The following CLEC16A variants were observed in gnomAD, a reference collection of about 807,000 sequenced individuals.
CLEC16A encodes C-type lectin domain containing 16A, also known as protein CLEC16A.
A neutral mutation model predicts 109.5 loss-of-function variants in CLEC16A; 51 were observed. The ratio of observed to expected loss-of-function variants is 0.47; its 90% CI spans 0.37 to 0.59. The LOEUF (loss-of-function observed/expected upper bound fraction) is 0.59, where lower values mean the gene tolerates loss of function less well. Ranked by LOEUF, CLEC16A falls within the 20% of genes least tolerant of loss-of-function variation. The pLI, the probability that CLEC16A is intolerant of heterozygous loss-of-function variation, is 0.00. For synonymous variants in CLEC16A, 673 were observed against 564.2 expected (o/e 1.19, Z -2.73); for missense variants, 1,339 against 1,394.0 (o/e 0.96, Z 0.63).
At chr16:11,018,151 TA>T (rs2045873947) in intron 11 of CLEC16A, among the ~76,000 whole-genome samples, 1 of 151,332 alleles carries the variant, frequency 6.6e-6, no homozygotes, top group East Asian at 2.0e-4. Flanking sequence ...CTACAAATAC[TA>T]AAAAATTAGC....
chr16:11,008,705 A>G (rs748809918), intron 11 of CLEC16A, among the ~76,000 whole-genome samples: 1 of 151,744 alleles, frequency 6.6e-6, no homozygotes, highest in African/African-American at 2.4e-5. Flanking sequence ...TGTTAAGTAC[A>G]TTCGGCTGGG....
chr16:11,099,258 G>A (rs1045592255), intron 19 of CLEC16A, among the ~76,000 whole-genome samples: 14 of 152,162 alleles, frequency 9.2e-5, no homozygotes, highest in Non-Finnish European at 1.6e-4. Context: ...TGTTTCCCAC[G>A]GTCCCACACA....
rs564505317 is a variant in CLEC16A at position 11,085,423 on chromosome 16, G to A, written c.2116+24401G>A. On this transcript the variant is annotated intron_variant, in intron 19 of 23. Coordinates refer to ENST00000409790, the MANE Select transcript of CLEC16A (RefSeq NM_015226.3). ...AGCACGCTGGCAAGCAGGCAGACTCGGCCAAGACCCAGCTTTGTCACGTGC... is the reference window on the plus strand; with the variant it reads ...AGCACGCTGGCAAGCAGGCAGACTCAGCCAAGACCCAGCTTTGTCACGTGC... Among the ~76,000 whole-genome samples, 8 of 152,366 alleles carry A rather than the reference G, an allele frequency of 5.3e-5. No individual in the cohort carries two copies. The East Asian group carries it at 5.8e-4, about 11-fold the overall frequency.
intron 4 of CLEC16A, 112 bp from the exon 5 acceptor site, chr16:10,971,008 ATTTTT>A: frequency 3.0e-5 from 15 of 506,508 alleles, no homozygotes; most frequent in Middle Eastern, 3.7e-4. Context: ...CATTGGCAAC[ATTTTT>A]TTTTTTTTTT....
intron 19 of CLEC16A, among the ~76,000 whole-genome samples, chr16:11,066,088 TTGCTGCCTTC>T (rs1308947192): frequency 6.6e-6 from 1 of 152,074 alleles, no homozygotes; most frequent in South Asian, 2.1e-4. Context: ...AGTCCCAGCT[TTGCTGCCTTC>T]TGCTTGCCAG....
chr16:10,981,775 A>G (rs545157620), intron 9 of CLEC16A, among the ~76,000 whole-genome samples: 1 of 152,238 alleles, frequency 6.6e-6, no homozygotes, highest in Non-Finnish European at 1.5e-5. Flanking sequence ...AATTAGGGTT[A>G]CAGGGTTCTC....
Position 10,982,956 on chromosome 16 carries a change from T to C in CLEC16A, c.1036T>C (p.Tyr346His), listed in dbSNP as rs74163609. ...VILNGDLSEM[Y>H]AKTEQDIQRS... is the part of the protein sequence containing the mutation. Reference sequence around the variant, plus strand: ...TCTGAATGGTGATCTGTCTGAGATGTACGCTAAGACTGAACAGGATATTCA... The same window carrying C: ...TCTGAATGGTGATCTGTCTGAGATGCACGCTAAGACTGAACAGGATATTCA... Residue 346 changes from tyrosine (Y) to histidine (H), a missense_variant, in exon 10 of 24, where the codon TAC becomes CAC. Tyr to His is a moderately conservative substitution (Grantham distance 83). This residue lies in a region of CLEC16A where 1,061 missense variants were observed against 1,006.8 expected (regional missense o/e 1.05). Coordinates refer to ENST00000409790, the MANE Select transcript of CLEC16A (RefSeq NM_015226.3). 1.6e-4 allele frequency: 255 copies of C among 1,610,506 alleles called. 1 individual carries two copies. Among genetic ancestry groups the C allele is most frequent in the Non-Finnish European group, 2.1e-4 (245 of 1,176,780 alleles).
At chr16:11,173,001 C>G (rs1489010322) in intron 23 of CLEC16A, among the ~76,000 whole-genome samples, 2 of 152,124 alleles carry the variant, frequency 1.3e-5, no homozygotes, top group African/African-American at 4.8e-5. Flanking sequence ...CGGCCCAGTG[C>G]AGGGAGCTTC....
chr16:11,112,979 T>C (rs1268796757), intron 19 of CLEC16A, among the ~76,000 whole-genome samples: 1 of 152,182 alleles, frequency 6.6e-6, no homozygotes, highest in Non-Finnish European at 1.5e-5. Flanking sequence ...ATTCTCAGTA[T>C]AGGTACTTAG....
chr16:11,160,552 C>T (rs1191192503), intron 22 of CLEC16A, among the ~76,000 whole-genome samples: 1 of 152,198 alleles, frequency 6.6e-6, no homozygotes, highest in East Asian at 1.9e-4. Context: ...CTAGATTCCA[C>T]CCAGCAGGTA....
At chr16:11,025,043 G>T in intron 13 of CLEC16A, 122 bp downstream of exon 13, 2 of 741,584 alleles carry the variant, frequency 2.7e-6, no homozygotes, top group East Asian at 2.9e-5. Context: ...TTCTGGTTTT[G>T]GTGGTCCTTT....
intron 19 of CLEC16A, among the ~76,000 whole-genome samples, chr16:11,081,662 C>T (rs75403587): frequency 0.025 from 3,797 of 152,238 alleles, 68 homozygotes; most frequent in African/African-American, 0.046. Flanking sequence ...AGTTCCAAGC[C>T]AGGAGAGCAT....
At chr16:10,986,679 C>T (rs555195776) in intron 10 of CLEC16A, among the ~76,000 whole-genome samples, 2 of 151,388 alleles carry the variant, frequency 1.3e-5, no homozygotes, top group East Asian at 3.9e-4. Context: ...GTAATGTCCT[C>T]GAGATTCATC....
At chr16:11,144,335 C>T (rs1287996742) in intron 22 of CLEC16A, among the ~76,000 whole-genome samples, 1 of 152,222 alleles carries the variant, frequency 6.6e-6, no homozygotes, top group African/African-American at 2.4e-5. Flanking sequence ...CTGCTCAGCT[C>T]AGCATAGCCC....
chr16:11,018,952 G>C (rs1217999039), intron 11 of CLEC16A, among the ~76,000 whole-genome samples: 1 of 152,096 alleles, frequency 6.6e-6, no homozygotes, highest in Non-Finnish European at 1.5e-5. Context: ...AGTGACATGA[G>C]CTAATTTCAT....
intron 22 of CLEC16A, among the ~76,000 whole-genome samples, chr16:11,134,851 G>A (rs1448135390): frequency 6.6e-6 from 1 of 152,302 alleles, no homozygotes; most frequent in African/African-American, 2.4e-5. Flanking sequence ...GGCCTCAAGG[G>A]ATGCCCCTGG....
At chr16:11,037,979 A>G (rs2047116968) in intron 13 of CLEC16A, among the ~76,000 whole-genome samples, 1 of 152,324 alleles carries the variant, frequency 6.6e-6, no homozygotes. Flanking sequence ...TGGGATACAG[A>G]AGCCACAAAT....
chr16:10,979,445 TGAA>T, intron 9 of CLEC16A, 63 bp downstream of exon 9: 2 of 1,457,514 alleles, frequency 1.4e-6, no homozygotes, highest in Admixed American at 3.7e-5. Context: ...GCCACTGCCT[TGAA>T]GAAAATCCCC....
chr16:11,157,378 C>G (rs1333320315), intron 22 of CLEC16A: 1 of 307,188 alleles, frequency 3.3e-6, no homozygotes, highest in Non-Finnish European at 5.4e-6. Flanking sequence ...TTCTTCAGCA[C>G]CAGTGCACAG....
Sources: gnomAD v4.1 joint callset for allele counts (sites outside exome capture counted in the v4.1 genomes callset) on GRCh38, gnomAD v4.1.1 for gene constraint, gnomAD v4.1.1 regional missense constraint, MANE v1.5 for transcripts, NCBI Gene and HGNC (gene_info 2026-07-23, HGNC 2026-07-21) for gene names.